The following CSMD1 variants were observed in gnomAD, a reference collection of about 807,000 sequenced individuals.
CSMD1 encodes CUB and sushi domain-containing protein 1.
Under a neutral mutation model 417.5 loss-of-function variants are expected in CSMD1, and 213 were observed. The ratio of observed to expected loss-of-function variants is 0.51; its 90% CI spans 0.46 to 0.57. CSMD1 has a LOEUF of 0.57. CSMD1 is among the 20% of genes least tolerant of loss of function. The pLI, the probability that CSMD1 is intolerant of heterozygous loss-of-function variation, is 0.00. For synonymous variants in CSMD1, 2,862 were observed against 1,736.8 expected (o/e 1.65, Z -16.11); for missense variants, 6,923 against 4,529.7 (o/e 1.53, Z -15.17).
At chr8:4,647,942 T>C (rs527372426) in intron 1 of CSMD1, among the ~76,000 whole-genome samples, 6 of 152,342 alleles carry the variant, frequency 3.9e-5, no homozygotes, top group African/African-American at 1.4e-4. Context: ...AGTAATGGGA[T>C]TGCTGGTCAA....
At chr8:4,799,816 A>G (rs1022176013) in intron 1 of CSMD1, among the ~76,000 whole-genome samples, 4 of 152,086 alleles carry the variant, frequency 2.6e-5, no homozygotes, top group African/African-American at 4.8e-5. Flanking sequence ...ATGCAAAGAG[A>G]TAAGTATTAG....
intron 1 of CSMD1, among the ~76,000 whole-genome samples, chr8:4,764,642 C>G (rs56226923): frequency 6.6e-6 from 1 of 151,048 alleles, no homozygotes; most frequent in Non-Finnish European, 1.5e-5. Context: ...AGATAATTCT[C>G]TTTGGTGTTC....
At chr8:4,513,074 A>C (rs1187748528) in intron 2 of CSMD1, among the ~76,000 whole-genome samples, 1 of 152,212 alleles carries the variant, frequency 6.6e-6, no homozygotes, top group Non-Finnish European at 1.5e-5. Flanking sequence ...AAGGATGGAT[A>C]CATGTTATTG....
intron 44 of CSMD1, 91 bp from the exon 45 acceptor site, chr8:3,107,889 T>C: frequency 1.2e-6 from 1 of 821,452 alleles, no homozygotes; most frequent in Non-Finnish European, 2.0e-6. Context: ...GCAGTTGTTA[T>C]AATGCTTAAG....
At chr8:3,460,980 T>C (rs1236154190) in intron 12 of CSMD1, among the ~76,000 whole-genome samples, 1 of 152,158 alleles carries the variant, frequency 6.6e-6, no homozygotes, top group Non-Finnish European at 1.5e-5. Flanking sequence ...AAGTTTGTTC[T>C]TTAGCATATT....
chr8:3,280,614 A>C (rs1468155564), intron 26 of CSMD1, among the ~76,000 whole-genome samples: 1 of 152,182 alleles, frequency 6.6e-6, no homozygotes, highest in Non-Finnish European at 1.5e-5. Flanking sequence ...GATCCTATCC[A>C]AGTGTTACGT....
intron 3 of CSMD1, among the ~76,000 whole-genome samples, chr8:4,110,848 G>A (rs767241487): frequency 1.3e-5 from 2 of 151,680 alleles, no homozygotes; most frequent in Non-Finnish European, 2.9e-5. Flanking sequence ...AAGGAAATCA[G>A]AGACTTTTTT....
In CSMD1 at chr8:4,885,098, T is replaced by C. The variant is rs1803652787; in HGVS notation, c.85+109234A>G. ...TATTGCATTCTTTTAGAAGCTACTG[T>C]AAATGGAATGGTATTCTTAATTTTA... On this transcript the variant is annotated intron_variant, in intron 1 of 69. Coordinates refer to ENST00000635120, the MANE Select transcript of CSMD1 (RefSeq NM_033225.6). Among the ~76,000 whole-genome samples, 5 of 152,258 alleles carry C rather than the reference T, an allele frequency of 3.3e-5. No homozygotes were observed. In the South Asian group the frequency reaches 1.0e-3, roughly 32 times the overall value.
chr8:4,400,289 A>AG (rs1359802666), intron 3 of CSMD1, among the ~76,000 whole-genome samples: 1 of 152,228 alleles, frequency 6.6e-6, no homozygotes, highest in African/African-American at 2.4e-5. Flanking sequence ...GTAAGATACT[A>AG]GCAAATGGGA....
intron 1 of CSMD1, among the ~76,000 whole-genome samples, chr8:4,880,010 G>T (rs1164213688): frequency 2.0e-5 from 3 of 152,028 alleles, no homozygotes; most frequent in Non-Finnish European, 4.4e-5. Context: ...TCCATTGGCT[G>T]ATTTATTTCT....
chr8:3,975,854 G>A (rs759184584), intron 5 of CSMD1, among the ~76,000 whole-genome samples: 3 of 151,970 alleles, frequency 2.0e-5, no homozygotes, highest in Admixed American at 6.6e-5. Flanking sequence ...AGTTATTGTT[G>A]TCCTTCATTT....
chr8:3,249,038 A>C (rs1452218410), intron 26 of CSMD1, among the ~76,000 whole-genome samples: 1 of 152,182 alleles, frequency 6.6e-6, no homozygotes, highest in Non-Finnish European at 1.5e-5. Context: ...TTGATAAACC[A>C]AGTAGCTTCA....
chr8:3,799,512 C>T (rs930637589), intron 5 of CSMD1, among the ~76,000 whole-genome samples: 3 of 150,066 alleles, frequency 2.0e-5, no homozygotes, highest in Admixed American at 6.7e-5. Flanking sequence ...GTAAAGCATA[C>T]ATGTAACATT....
intron 5 of CSMD1, among the ~76,000 whole-genome samples, chr8:3,986,655 C>G (rs866241146): frequency 5.9e-5 from 9 of 152,106 alleles, no homozygotes; most frequent in African/African-American, 1.9e-4. Context: ...TTCCTTATAC[C>G]ATGAGATATG....
At chr8:4,624,251 A>G (rs557022434) in intron 2 of CSMD1, among the ~76,000 whole-genome samples, 101 of 152,272 alleles carry the variant, frequency 6.6e-4, no homozygotes, top group Non-Finnish European at 1.2e-4. Flanking sequence ...CTTCCGGTAG[A>G]TCAAACCATA....
At chr8:3,821,717 G>C (rs958194163) in intron 5 of CSMD1, among the ~76,000 whole-genome samples, 4 of 152,194 alleles carry the variant, frequency 2.6e-5, no homozygotes, top group African/African-American at 7.2e-5. Context: ...AGGAGCGGGA[G>C]GTTGCAGTGA....
At chr8:3,841,007 G>A (rs573658978) in intron 5 of CSMD1, among the ~76,000 whole-genome samples, 5 of 152,010 alleles carry the variant, frequency 3.3e-5, no homozygotes, top group African/African-American at 7.2e-5. Flanking sequence ...GCAGCTGTCC[G>A]GTGATCTCAA....
chr8:3,974,844 G>C (rs1267295252), intron 5 of CSMD1, among the ~76,000 whole-genome samples: 2 of 151,958 alleles, frequency 1.3e-5, no homozygotes, highest in African/African-American at 4.8e-5. Flanking sequence ...TTTTACCAGA[G>C]TAAGATATAA....
chr8:3,543,288 C>T (rs868072007), intron 10 of CSMD1, among the ~76,000 whole-genome samples: 47 of 152,272 alleles, frequency 3.1e-4, no homozygotes, highest in Middle Eastern at 6.8e-3. Context: ...CATCGGAGAA[C>T]ATTATTAGAA....
Sources: allele counts gnomAD v4.1 joint callset (sites outside exome capture counted in the v4.1 genomes callset), GRCh38; gene constraint gnomAD v4.1.1; transcripts MANE v1.5; gene names NCBI Gene and HGNC (gene_info 2026-07-23, HGNC 2026-07-21).